The following ATP6V0A4 variants were observed in gnomAD, a reference collection of about 807,000 sequenced individuals.
ATP6V0A4 encodes ATPase H+ transporting V0 subunit a4, also known as V-type proton ATPase 116 kDa subunit a 4.
Under a neutral mutation model 107.3 loss-of-function variants are expected in ATP6V0A4, and 86 were observed. That is an observed-to-expected ratio of 0.80 (90% CI 0.67 to 0.96). ATP6V0A4 has a LOEUF of 0.96. Among genes scored for constraint, ATP6V0A4 ranks in the 40% least tolerant of loss-of-function variants. The pLI is 0.00. For synonymous variants in ATP6V0A4, 353 were observed against 381.4 expected (o/e 0.93, Z 0.87); for missense variants, 908 against 1,045.6 (o/e 0.87, Z 1.81).
chr7:138,745,420 A>G (rs1805864798), intron 13 of ATP6V0A4, 140 bp from the exon 14 acceptor site: 3 of 1,262,316 alleles, frequency 2.4e-6, no homozygotes, highest in African/African-American at 1.5e-5. Flanking sequence ...GACATCAATC[A>G]TCCAGACAGG....
chr7:138,731,494 C>G lies in ATP6V0A4; in HGVS notation c.1908+1383G>C, dbSNP rs1344840590. On this transcript the variant is annotated intron_variant, in intron 17 of 21. Transcript: ENST00000310018. The stretch of plus-strand genomic sequence containing the variant: ...TCAGATAATATGATCAGGTTAATCA[C>G]TGGGAGAGGCCAGGGGGAAAAAGCT... Among the ~76,000 whole-genome samples the G allele has an allele frequency of 2.0e-5, 3 of 152,152 alleles. No homozygotes were observed. The East Asian group carries it at 5.8e-4, about 29-fold the overall frequency.
intron 8 of ATP6V0A4, among the ~76,000 whole-genome samples, chr7:138,757,589 A>G (rs1200448079): frequency 6.6e-6 from 1 of 152,192 alleles, no homozygotes; most frequent in African/African-American, 2.4e-5. Flanking sequence ...GACTCATCAC[A>G]TACTACTCGA....
intron 20 of ATP6V0A4, among the ~76,000 whole-genome samples, chr7:138,714,542 T>TTAGA (rs560738190): frequency 7.9e-4 from 116 of 146,442 alleles, no homozygotes; most frequent in African/African-American, 1.5e-3. Flanking sequence ...CTTGTCTCTT[T>TTAGA]TAGATAGATA....
chr7:138,756,187 C>G lies in ATP6V0A4; in HGVS notation c.722+271G>C, dbSNP rs11770897. ...AAGTTAGCCATGCAGTTGGATTACT[C>G]TGGAGCAGCTGATGAAAAGTCTCAG... On this transcript the variant is annotated intron_variant, in intron 9 of 21. Transcript: ENST00000310018. 0.14 allele frequency among the ~76,000 whole-genome samples: 21,479 copies of G among 152,264 alleles called. 1,904 individuals are homozygous for G. The highest frequency in any genetic ancestry group is 0.23 in the Admixed American group (3,536 of 15,270).
intron 20 of ATP6V0A4, among the ~76,000 whole-genome samples, chr7:138,711,895 G>A (rs993318046): frequency 6.6e-6 from 1 of 152,222 alleles, no homozygotes; most frequent in African/African-American, 2.4e-5. Flanking sequence ...ATGTGCATTC[G>A]TGTGAAGTGG....
At chr7:138,789,184 G>A (rs1202541783) in intron 1 of ATP6V0A4, among the ~76,000 whole-genome samples, 1 of 151,516 alleles carries the variant, frequency 6.6e-6, no homozygotes, top group East Asian at 1.9e-4. Context: ...GCAGTAATCT[G>A]CACCATGTGA....
In ATP6V0A4 at chr7:138,752,389, C is replaced by G. The variant is rs28491851; in HGVS notation, c.1029+236G>C. On this transcript the variant is annotated intron_variant, in intron 11 of 21. Coordinates refer to ENST00000310018, the MANE Select transcript of ATP6V0A4 (RefSeq NM_020632.3). ...TATTTTTTTTTTTTTTTTAAAAAAA[C>G]CTCAATACGTACTCACAAAAGGTCA... Among the ~76,000 whole-genome samples the G allele has an allele frequency of 0.67, 100,143 of 150,192 alleles. 34,191 individuals are homozygous for G. The highest frequency in any genetic ancestry group is 0.83 in the African/African-American group (34,104 of 40,928).
chr7:138,724,739 G>A (rs147249699), intron 18 of ATP6V0A4, among the ~76,000 whole-genome samples: 3 of 152,134 alleles, frequency 2.0e-5, no homozygotes, highest in African/African-American at 2.4e-5. Context: ...GATATATTAC[G>A]GTTTCTCCAT....
At chr7:138,769,312 C>CTTTTTT (rs540481545) in intron 3 of ATP6V0A4, 61 bp from the exon 4 acceptor site, 108 of 1,325,992 alleles carry the variant, frequency 8.1e-5, no homozygotes, top group African/African-American at 2.8e-4. Context: ...AGATTTCTTT[C>CTTTTTT]TTTTTTTTTT....
chr7:138,747,953 G>A (rs1406226457), intron 12 of ATP6V0A4, among the ~76,000 whole-genome samples: 1 of 151,710 alleles, frequency 6.6e-6, no homozygotes, highest in Non-Finnish European at 1.5e-5. Flanking sequence ...ATGAGGTCTC[G>A]CTATATTGCC....
intron 5 of ATP6V0A4, among the ~76,000 whole-genome samples, chr7:138,768,220 C>T (rs1268532151): frequency 6.6e-6 from 1 of 152,170 alleles, no homozygotes; most frequent in South Asian, 2.1e-4. Flanking sequence ...GGGTGAGCCA[C>T]TGCGCCCAGC....
chr7:138,755,874 T>A, intron 9 of ATP6V0A4, 92 bp from the exon 10 acceptor site: 6 of 1,553,282 alleles, frequency 3.9e-6, no homozygotes, highest in Non-Finnish European at 5.2e-6. Context: ...TTGCTGACTT[T>A]AGTTAGATGG....
chr7:138,733,572 C>CTTTTTTT (rs3080537), intron 16 of ATP6V0A4, among the ~76,000 whole-genome samples: 6 of 87,058 alleles, frequency 6.9e-5, no homozygotes, highest in Non-Finnish European at 1.1e-4. Flanking sequence ...AATGGTTTCT[C>CTTTTTTT]TTTTTTTTTT....
At chr7:138,781,877 A>G (rs1174774711) in intron 2 of ATP6V0A4, among the ~76,000 whole-genome samples, 2 of 138,268 alleles carry the variant, frequency 1.4e-5, no homozygotes, top group Non-Finnish European at 3.0e-5. Context: ...TGGGTCTCAC[A>G]GTGTTGCCAA....
intron 11 of ATP6V0A4, 38 bp from the exon 12 acceptor site, chr7:138,749,355 A>G: frequency 6.2e-7 from 1 of 1,604,616 alleles, no homozygotes; most frequent in Non-Finnish European, 8.5e-7. Context: ...ATGTAAGGAG[A>G]AGAGTCTTGG....
chr7:138,758,770 T>TTTTTTTTTTG (rs1806637554), intron 8 of ATP6V0A4, among the ~76,000 whole-genome samples: 2 of 80,776 alleles, frequency 2.5e-5, no homozygotes, highest in Non-Finnish European at 4.9e-5. Flanking sequence ...TTTTTTTTTT[T>TTTTTTTTTTG]GAGGGAGTCT....
At position 138,752,653 on chromosome 7, in the gene ATP6V0A4, C is replaced by T. The variant is rs148156124; in HGVS notation, c.1001G>A (p.Arg334His). 5.8e-5 allele frequency: 94 copies of T among 1,613,752 alleles called. No individual in the cohort carries two copies. The highest frequency in any genetic ancestry group is 3.3e-4 in the East Asian group (15 of 44,854). ...GCCTTGCTCCAGTGCCCTCTTGATA[C>T]GTGTGGCATCTGCCACCGGGAACCA... ...EIWFPVADATRIKRALEQGME... is the reference protein window; with the variant it reads ...EIWFPVADATHIKRALEQGME... The change falls in exon 11 of 22, where the codon CGT becomes CAT. Residue 334 changes from arginine to histidine, a missense_variant. Physicochemically the swap from Arg to His is conservative, Grantham distance 29. Coordinates refer to ENST00000310018, the MANE Select transcript of ATP6V0A4 (RefSeq NM_020632.3).
intron 17 of ATP6V0A4, among the ~76,000 whole-genome samples, chr7:138,730,498 A>G (rs561524697): frequency 7.9e-5 from 12 of 152,170 alleles, no homozygotes; most frequent in African/African-American, 2.7e-4. Context: ...AAAACTTCAA[A>G]CTGTATCAAG....
rs1803385813 is a variant in ATP6V0A4, at chr7:138,706,722, T to C, written c.2430-5A>G. On this transcript the variant is annotated splice_polypyrimidine_tract_variant and splice_region_variant and intron_variant, in intron 21 of 21. Coordinates refer to ENST00000310018, the MANE Select transcript of ATP6V0A4 (RefSeq NM_020632.3). ...AACTTGTTCTGGAACTCAACCCTGT[T>C]GTTGAGGGGAGGCCGTGGGGTAAGA... 6.2e-7 allele frequency: 1 copy of C among 1,612,982 alleles called. No individual in the cohort carries two copies.
Sources: gnomAD v4.1 joint callset for allele counts (sites outside exome capture counted in the v4.1 genomes callset) on GRCh38, gnomAD v4.1.1 for gene constraint, MANE v1.5 for transcripts, NCBI Gene and HGNC (gene_info 2026-07-23, HGNC 2026-07-21) for gene names.